Variants in ABCB9 observed in about 807,000 individuals in gnomAD.
The protein encoded by ABCB9 is ATP binding cassette subfamily B member 9.
Under a neutral mutation model 62.0 loss-of-function variants are expected in ABCB9, and 36 were observed. That is an observed-to-expected ratio of 0.58 (90% CI 0.45 to 0.77). The LOEUF is 0.77. ABCB9 is among the 30% of genes least tolerant of loss of function. The pLI is 0.00. For synonymous variants in ABCB9, 435 were observed against 461.4 expected (o/e 0.94, Z 0.73); for missense variants, 943 against 1,054.7 (o/e 0.89, Z 1.47).
At chr12:122,950,028 TC>T (rs957989042) in intron 3 of ABCB9, 110 bp from the exon 4 acceptor site, 37 of 1,451,982 alleles carry the variant, frequency 2.5e-5, no homozygotes, top group African/African-American at 1.8e-4. Context: ...GCAGCCCCAC[TC>T]CAGGGCTGGC....
At chr12:122,968,072 G>GAA (rs58427259), upstream of ABCB9, among the ~76,000 whole-genome samples, 4 of 132,408 alleles carry the variant, frequency 3.0e-5, no homozygotes, top group Non-Finnish European at 6.1e-5. Context: ...TCTGTAGCCA[G>GAA]AAAAAAAAAA....
chr12:122,924,022 G>T (rs2034823502), downstream of ABCB9, among the ~76,000 whole-genome samples: 1 of 152,152 alleles, frequency 6.6e-6, no homozygotes, highest in Non-Finnish European at 1.5e-5. Context: ...TCATCACCAG[G>T]GTCCCTGTGG....
intron 4 of ABCB9, 89 bp downstream of exon 4, chr12:122,949,699 C>T: frequency 5.2e-6 from 8 of 1,532,228 alleles, no homozygotes; most frequent in African/African-American, 1.4e-5. Flanking sequence ...CTGAGACCAC[C>T]CACACGCCCA....
intron 2 of ABCB9, 54 bp from the exon 3 acceptor site, chr12:122,950,619 C>T (rs1354285561): frequency 2.1e-6 from 3 of 1,443,054 alleles, no homozygotes; most frequent in Non-Finnish European, 2.9e-6. Context: ...AACCCGCACC[C>T]TTCCTCCTGA....
At position 122,932,088 on chromosome 12, in the gene ABCB9, C is replaced by A; in HGVS notation, c.2040+104G>T. 1 of 1,536,586 alleles carries A rather than the reference C, an allele frequency of 6.5e-7. No individual in the cohort carries two copies. Among genetic ancestry groups the A allele is most frequent in the Non-Finnish European group, 8.8e-7 (1 of 1,140,668 alleles). Reference sequence around the variant, plus strand: ...CCAGGAGGCTGATAGTCTGGGAGAGCTCCTGGGGCCCGTCTCTTCTCAGCA... The same window carrying A: ...CCAGGAGGCTGATAGTCTGGGAGAGATCCTGGGGCCCGTCTCTTCTCAGCA... On this transcript the variant is annotated intron_variant, in intron 11 of 11. Transcript: ENST00000280560. This position sits in a 1 kb window ranked among gnomAD's most constrained non-coding sequence, Gnocchi z 4.7.
chr12:122,944,385 T>C lies in ABCB9; in HGVS notation c.1380+6A>G, dbSNP rs1198909547. On this transcript the variant is annotated splice_donor_region_variant and intron_variant, in intron 7 of 11. Coordinates refer to ENST00000280560, the MANE Select transcript of ABCB9 (RefSeq NM_019625.4). This position sits in a 1 kb window ranked among gnomAD's most constrained non-coding sequence, Gnocchi z 4.9. ...CTCTGGATCCCCGGACACACTGGCCTCTCACCTCCATACAATCTCCCAGGA... is the reference window on the plus strand; with the variant it reads ...CTCTGGATCCCCGGACACACTGGCCCCTCACCTCCATACAATCTCCCAGGA... 6.5e-7 allele frequency: 1 copy of C among 1,547,568 alleles called. No homozygotes were observed. Among genetic ancestry groups the C allele is most frequent in the African/African-American group, 1.4e-5 (1 of 72,394 alleles).
chr12:122,967,307 G>A (rs2037206807), upstream of ABCB9, among the ~76,000 whole-genome samples: 1 of 152,214 alleles, frequency 6.6e-6, no homozygotes, highest in South Asian at 2.1e-4. Context: ...CGTGAGCCAC[G>A]GGGAGGGAGG....
intron 9 of ABCB9, among the ~76,000 whole-genome samples, chr12:122,939,096 C>T (rs1181706478): frequency 6.6e-6 from 1 of 152,042 alleles, no homozygotes; most frequent in African/African-American, 2.4e-5. Flanking sequence ...AGCTTGAACC[C>T]GGGAGGCGGA....
upstream of ABCB9, among the ~76,000 whole-genome samples, chr12:122,968,535 G>A (rs545938488): frequency 9.2e-5 from 14 of 152,116 alleles, no homozygotes; most frequent in East Asian, 3.9e-4. Flanking sequence ...AATGTGAAAC[G>A]GACAGAAACA....
At chr12:122,954,295 G>GC (rs1272544436) in intron 2 of ABCB9, among the ~76,000 whole-genome samples, 1 of 151,978 alleles carries the variant, frequency 6.6e-6, no homozygotes, top group African/African-American at 2.4e-5. Context: ...AGCAACCTCT[G>GC]CCTCCTGGGT....
At position 122,959,547 on chromosome 12, in the gene ABCB9, C is replaced by A; in HGVS notation, c.601+88G>T. 1 of 1,502,466 alleles carries A rather than the reference C, an allele frequency of 6.7e-7. No homozygotes were observed. The highest frequency in any genetic ancestry group is 8.9e-7 in the Non-Finnish European group (1 of 1,124,670). 93.1% of individuals were successfully genotyped at this position (1,502,466 alleles called of 1,614,324 possible). On this transcript the variant is annotated intron_variant, in intron 2 of 11. Coordinates refer to ENST00000280560, the MANE Select transcript of ABCB9 (RefSeq NM_019625.4). The surrounding 1 kb of genome is among the most constrained non-coding windows in gnomAD (Gnocchi z 5.4). ...TCATATCAATTTGATGTCTGAACCA[C>A]GTAAGTAAAATCTTTTAAAATCTAA...
Position 122,960,265 on chromosome 12 carries a change from A to C in ABCB9, c.-30T>G. The stretch of plus-strand genomic sequence containing the variant: ...CTGGTTGGAGGTGGGCGGGTGCTGA[A>C]GGCCAGGTTGTAGCTCACGGGGGCA... On this transcript the variant is annotated 5_prime_UTR_variant, in exon 2 of 12. Coordinates refer to ENST00000280560, the MANE Select transcript of ABCB9 (RefSeq NM_019625.4). The C allele has an allele frequency of 6.3e-7, 1 of 1,598,560 alleles. No homozygotes were observed. Among genetic ancestry groups the C allele is most frequent in the Non-Finnish European group, 8.5e-7 (1 of 1,170,998 alleles).
In ABCB9 at chr12:122,940,775, T is replaced by G; in HGVS notation, c.1569+32A>C. On this transcript the variant is annotated intron_variant, in intron 8 of 11. Transcript: ENST00000280560. The surrounding 1 kb of genome is among the most constrained non-coding windows in gnomAD (Gnocchi z 4.8). ...ACCAGAAATGGGGTGACGGAAAGGC[T>G]GATTCTGGCAGGCCTCAAGCCGCGC... The G allele has an allele frequency of 2.0e-6, 3 of 1,535,526 alleles. No individual in the cohort carries two copies. The highest frequency in any genetic ancestry group is 2.6e-6 in the Non-Finnish European group (3 of 1,133,270).
intron 1 of ABCB9, among the ~76,000 whole-genome samples, chr12:122,973,903 G>C (rs1472755863): frequency 3.3e-5 from 5 of 152,046 alleles, no homozygotes; most frequent in African/African-American, 7.3e-5. Flanking sequence ...AAATTAGCTG[G>C]GCGTGGTGGC....
At chr12:122,941,328 A>G (rs1390335089) in intron 7 of ABCB9, among the ~76,000 whole-genome samples, 2 of 126,144 alleles carry the variant, frequency 1.6e-5, no homozygotes, top group Non-Finnish European at 1.6e-5. Context: ...TTTTTTTTTT[A>G]AGATGGAGTC....
chr12:122,973,597 AAAAAAAAAAAAAC>A (rs1566206703), intron 1 of ABCB9, among the ~76,000 whole-genome samples: 19 of 139,672 alleles, frequency 1.4e-4, no homozygotes, highest in Non-Finnish European at 2.6e-4. Context: ...AAAAAAAAAA[AAAAAAAAAAAAAC>A]AAAAACTTTG....
chr12:122,970,968 G>A (rs1004424955), upstream of ABCB9, among the ~76,000 whole-genome samples: 3 of 152,182 alleles, frequency 2.0e-5, no homozygotes, highest in Non-Finnish European at 4.4e-5. Context: ...AAGGCAAAAC[G>A]GTGGAGACAG....
At chr12:122,919,881 G>GTTTATTTATTTTTTATTTATTTATTTA (rs942930448), downstream of ABCB9, among the ~76,000 whole-genome samples, 100 of 138,896 alleles carry the variant, frequency 7.2e-4, no homozygotes, top group Middle Eastern at 3.5e-3. Flanking sequence ...CTGTTTGTTT[G>GTTTATTTATTTTTTATTTATTTATTTA]TTTATTTATT....
chr12:122,968,724 C>T (rs1566204630), upstream of ABCB9, among the ~76,000 whole-genome samples: 1 of 150,100 alleles, frequency 6.7e-6, no homozygotes, highest in African/African-American at 2.5e-5. Context: ...AAGCATTCTT[C>T]CCACCACAGC....
Sources: allele counts gnomAD v4.1 joint callset (sites outside exome capture counted in the v4.1 genomes callset), GRCh38; gene constraint gnomAD v4.1.1; non-coding constraint Gnocchi (gnomAD v3.1); transcripts MANE v1.5; gene names NCBI Gene and HGNC (gene_info 2026-07-23, HGNC 2026-07-21).